The following ROBO2 variants were observed in gnomAD, a reference collection of about 807,000 sequenced individuals.
ROBO2 encodes the protein roundabout homolog 2.
In ROBO2, 53 loss-of-function variants were observed where a neutral mutation model predicts 160.8. That is an observed-to-expected ratio of 0.33 (90% CI 0.26 to 0.41). The LOEUF is 0.41. ROBO2 is among the 10% of genes least tolerant of loss of function. The pLI, the probability that ROBO2 is intolerant of heterozygous loss-of-function variation, is 1.00. For synonymous variants in ROBO2, 664 were observed against 611.7 expected (o/e 1.09, Z -1.26); for missense variants, 1,577 against 1,722.4 (o/e 0.92, Z 1.49).
At chr3:76,895,221 A>C (rs903524664) in intron 2 of ROBO2, among the ~76,000 whole-genome samples, 2 of 152,016 alleles carry the variant, frequency 1.3e-5, no homozygotes, top group Non-Finnish European at 2.9e-5. Flanking sequence ...TAGCTTTAAA[A>C]GGAAAGCTTA....
At chr3:75,912,745 T>A (rs1297822218) in intron 1 of ROBO2, among the ~76,000 whole-genome samples, 3 of 152,178 alleles carry the variant, frequency 2.0e-5, no homozygotes, top group Non-Finnish European at 4.4e-5. Context: ...TCATATTGAT[T>A]GGATGATAGT....
intron 2 of ROBO2, among the ~76,000 whole-genome samples, chr3:76,751,187 A>C (rs962588909): frequency 1.3e-5 from 2 of 152,076 alleles, no homozygotes; most frequent in Admixed American, 6.6e-5. Context: ...CAAAAACAAG[A>C]AATAGGGAAA....
chr3:76,591,831 G>A (rs972428410), intron 2 of ROBO2, among the ~76,000 whole-genome samples: 1 of 151,902 alleles, frequency 6.6e-6, no homozygotes, highest in Non-Finnish European at 1.5e-5. Context: ...GATACACATT[G>A]GGGCTCTCTG....
intron 2 of ROBO2, among the ~76,000 whole-genome samples, chr3:76,397,438 C>T (rs1285589290): frequency 1.3e-5 from 2 of 151,924 alleles, no homozygotes; most frequent in Non-Finnish European, 1.5e-5. Flanking sequence ...TCTAAAACAC[C>T]AAAAGCAATG....
intron 6 of ROBO2, among the ~76,000 whole-genome samples, chr3:77,524,754 C>A (rs116428801): frequency 6.6e-6 from 1 of 151,098 alleles, no homozygotes; most frequent in African/African-American, 2.4e-5. Context: ...AGCTAACTTA[C>A]AAAACTAATA....
chr3:77,064,362 C>T (rs369647954), intron 1 of ROBO2, among the ~76,000 whole-genome samples: 15 of 138,178 alleles, frequency 1.1e-4, no homozygotes, highest in Middle Eastern at 3.8e-3. Context: ...TTGGATGTAT[C>T]TTTTTTTTTT....
rs1216585785 is a variant in ROBO2 at position 77,196,624 on chromosome 3, C to T, written c.388+98284C>T. On this transcript the variant is annotated intron_variant, in intron 2 of 25. Transcript: ENST00000461745. ...TAAATACATTGTGGCAGTTCAAGGG[C>T]ATATGTACATGTTATTTATTGATTT... 3.3e-5 allele frequency among the ~76,000 whole-genome samples: 5 copies of T among 152,018 alleles called. No individual in the cohort carries two copies. In the East Asian group the frequency reaches 9.6e-4, roughly 29 times the overall value.
chr3:76,249,817 C>G (rs532006619), intron 2 of ROBO2, among the ~76,000 whole-genome samples: 3 of 152,060 alleles, frequency 2.0e-5, no homozygotes, highest in African/African-American at 4.8e-5. Flanking sequence ...CACCGTTTCT[C>G]AAAGGATATT....
At chr3:76,518,728 T>C (rs2081459462) in intron 2 of ROBO2, among the ~76,000 whole-genome samples, 1 of 152,222 alleles carries the variant, frequency 6.6e-6, no homozygotes, top group Admixed American at 6.5e-5. Flanking sequence ...TATGTCATCA[T>C]GTTCTCTTTG....
intron 2 of ROBO2, among the ~76,000 whole-genome samples, chr3:77,287,798 G>A (rs1443222974): frequency 6.6e-6 from 1 of 152,060 alleles, no homozygotes; most frequent in Non-Finnish European, 1.5e-5. Context: ...TGTTCAGAAA[G>A]CCTTTCCCTA....
At chr3:77,568,340 A>G (rs1286890345) in exon 13 of ROBO2, 1 of 1,613,006 alleles carries the variant, frequency 6.2e-7, no homozygotes, top group South Asian at 1.1e-5. Context: ...CAAGGAGTGG[A>G]CCACAGGCAA....
At chr3:77,087,839 CA>C (rs1392349774) in intron 1 of ROBO2, among the ~76,000 whole-genome samples, 3 of 151,728 alleles carry the variant, frequency 2.0e-5, no homozygotes, top group African/African-American at 7.3e-5. Context: ...TACACACACA[CA>C]TATATATAGA....
rs539715317 is a variant in ROBO2, at chr3:76,247,117, C to A, written c.109+309515C>A. Among the ~76,000 whole-genome samples the A allele has an allele frequency of 1.3e-4, 19 of 151,832 alleles. No homozygotes were observed. In the East Asian group the frequency reaches 3.3e-3, roughly 26 times the overall value. On this transcript the variant is annotated intron_variant, in intron 2 of 26. Coordinates refer to the ROBO2 transcript ENST00000487694. ...AAGAGAAACATCGTTTCCATACATC[C>A]ATCTACACAGTTGTTCTTCAAGACA...
At chr3:76,358,430 A>G (rs914936336) in intron 2 of ROBO2, among the ~76,000 whole-genome samples, 1 of 151,966 alleles carries the variant, frequency 6.6e-6, no homozygotes, top group Non-Finnish European at 1.5e-5. Flanking sequence ...CTTTTACTAG[A>G]GTACTAACTT....
intron 2 of ROBO2, among the ~76,000 whole-genome samples, chr3:75,940,126 A>G (rs1407480304): frequency 1.3e-5 from 2 of 152,192 alleles, no homozygotes; most frequent in African/African-American, 2.4e-5. Context: ...TGAATAGACT[A>G]TGTTCTAAAT....
chr3:76,457,357 A>C (rs545959350), intron 2 of ROBO2, among the ~76,000 whole-genome samples: 391 of 152,304 alleles, frequency 2.6e-3, no homozygotes, highest in Non-Finnish European at 4.3e-3. Context: ...GGTGCAGTCA[A>C]ACTTTAAAGC....
At chr3:77,496,343 C>T (rs975198324) in intron 5 of ROBO2, among the ~76,000 whole-genome samples, 1 of 152,100 alleles carries the variant, frequency 6.6e-6, no homozygotes, top group African/African-American at 2.4e-5. Context: ...TTCTTGAATT[C>T]CCAGTCTTTA....
chr3:76,583,592 T>G (rs1223931805), intron 2 of ROBO2, among the ~76,000 whole-genome samples: 1 of 152,156 alleles, frequency 6.6e-6, no homozygotes, highest in East Asian at 1.9e-4. Context: ...CAGTTTCCTT[T>G]GCTCTCAATA....
chr3:76,073,667 C>T (rs1337809418), intron 2 of ROBO2, among the ~76,000 whole-genome samples: 4 of 151,966 alleles, frequency 2.6e-5, no homozygotes, highest in African/African-American at 7.2e-5. Context: ...AAAAACTGAA[C>T]AATACGTTAA....
Sources: gnomAD v4.1 joint callset for allele counts (sites outside exome capture counted in the v4.1 genomes callset) on GRCh38, gnomAD v4.1.1 for gene constraint, MANE v1.5 for transcripts, NCBI Gene and HGNC (gene_info 2026-07-23, HGNC 2026-07-21) for gene names.